Variants in CATSPERB observed in about 807,000 individuals in gnomAD.
CATSPERB encodes cation channel sperm-associated auxiliary subunit beta.
In CATSPERB, 93 loss-of-function variants were observed where a neutral mutation model predicts 128.3. The ratio of observed to expected loss-of-function variants is 0.72; its 90% CI spans 0.61 to 0.86. CATSPERB has a LOEUF of 0.86. CATSPERB is among the 40% of genes least tolerant of loss of function. CATSPERB has a pLI of 0.00. For missense variants in CATSPERB, 1,153 were observed against 1,329.5 expected (o/e 0.87, Z 2.06); for synonymous variants, 381 against 448.8 (o/e 0.85, Z 1.91).
chr14:91,694,659 A>T (rs1566733575), intron 7 of CATSPERB, among the ~76,000 whole-genome samples: 1 of 152,164 alleles, frequency 6.6e-6, no homozygotes, highest in Non-Finnish European at 1.5e-5. Flanking sequence ...AGACAGGAGA[A>T]ACTATGATTT....
intron 2 of CATSPERB, among the ~76,000 whole-genome samples, chr14:91,726,269 C>T (rs1296324319): frequency 6.6e-6 from 1 of 152,230 alleles, no homozygotes; most frequent in Non-Finnish European, 1.5e-5. Flanking sequence ...CACACACCCA[C>T]TTGGGTTTCA....
At chr14:91,691,020 G>T (rs1048680867) in intron 10 of CATSPERB, among the ~76,000 whole-genome samples, 5 of 152,190 alleles carry the variant, frequency 3.3e-5, no homozygotes, top group Non-Finnish European at 5.9e-5. Context: ...GGAGATAACT[G>T]ATGGAACAAA....
intron 1 of CATSPERB, among the ~76,000 whole-genome samples, chr14:91,730,827 C>T (rs12894077): frequency 0.63 from 96,247 of 152,016 alleles, 30,854 homozygotes; most frequent in Non-Finnish European, 0.67. Context: ...CAATAGAAAG[C>T]TCAAACAGTT....
intron 17 of CATSPERB, among the ~76,000 whole-genome samples, chr14:91,634,653 T>C (rs1894337062): frequency 7.6e-5 from 2 of 26,364 alleles, no homozygotes; most frequent in Middle Eastern, 0.017. Context: ...AAAAATGTGA[T>C]ATATATATAT....
intron 15 of CATSPERB, among the ~76,000 whole-genome samples, chr14:91,640,901 C>T (rs1178945502): frequency 6.6e-6 from 1 of 151,908 alleles, no homozygotes; most frequent in Non-Finnish European, 1.5e-5. Context: ...TCCTCTCCAG[C>T]ACCTGTTGTT....
intron 19 of CATSPERB, among the ~76,000 whole-genome samples, chr14:91,619,555 A>ATTTTTT (rs1566706232): frequency 3.0e-4 from 43 of 144,014 alleles, no homozygotes; most frequent in Middle Eastern, 3.5e-3. Flanking sequence ...CTTTTTTTTA[A>ATTTTTT]AAAAAAAATA....
chr14:91,677,273 A>G (rs888855915), intron 11 of CATSPERB, among the ~76,000 whole-genome samples: 24 of 141,016 alleles, frequency 1.7e-4, no homozygotes, highest in African/African-American at 5.2e-4. Context: ...AACTATCATT[A>G]GAGGGAACAG....
chr14:91,637,299 A>G lies in CATSPERB; in HGVS notation c.1588-720T>C, dbSNP rs549088305. Among the ~76,000 whole-genome samples, 6 of 152,278 alleles carry G rather than the reference A, an allele frequency of 3.9e-5. No homozygotes were observed. The South Asian group carries it at 8.3e-4, about 21-fold the overall frequency. ...ACACATCTGTCCCATAGTGCCTCCA[A>G]GACTCATCTTCTGTCATGCTTTTTT... On this transcript the variant is annotated intron_variant, in intron 16 of 26. Transcript: ENST00000256343.
chr14:91,673,639 C>T (rs1014694833), intron 12 of CATSPERB, among the ~76,000 whole-genome samples: 1 of 152,072 alleles, frequency 6.6e-6, no homozygotes, highest in East Asian at 1.9e-4. Context: ...AACCCCAGCA[C>T]TTTGGGAGGC....
At chr14:91,588,351 G>A (rs148762927) in intron 24 of CATSPERB, among the ~76,000 whole-genome samples, 329 of 152,054 alleles carry the variant, frequency 2.2e-3, no homozygotes, top group African/African-American at 7.0e-3. Flanking sequence ...TGCCTTCAAG[G>A]GCATCCTCAA....
chr14:91,708,497 T>C (rs903754200), intron 5 of CATSPERB, among the ~76,000 whole-genome samples: 1 of 152,224 alleles, frequency 6.6e-6, no homozygotes, highest in Admixed American at 6.5e-5. Context: ...CTCCTAGAGC[T>C]GTAGGGGCTT....
rs148003023 is a variant in CATSPERB, at chr14:91,717,652, A to G, written c.370+1766T>C. ...GCTGCCTGCTATTTCTACTGCCACT[A>G]CAATGACTATTTTACTACCTTTGTT... On this transcript the variant is annotated intron_variant, in intron 5 of 26. Transcript: ENST00000256343. Among the ~76,000 whole-genome samples, 683 of 152,364 alleles carry G rather than the reference A, an allele frequency of 4.5e-3. 9 individuals carry two copies. Among genetic ancestry groups the G allele is most frequent in the African/African-American group, 0.015 (640 of 41,586 alleles).
rs567878294 is a variant in CATSPERB, at chr14:91,705,557, C to T, written c.467-856G>A. ...GCAAACCAGGCCTTCCAGAATCTGACGTCCTCTTGGTTCCTCAGCTTTACT... is the reference window on the plus strand; with the variant it reads ...GCAAACCAGGCCTTCCAGAATCTGATGTCCTCTTGGTTCCTCAGCTTTACT... On this transcript the variant is annotated intron_variant, in intron 6 of 26. Coordinates refer to ENST00000256343, the MANE Select transcript of CATSPERB (RefSeq NM_024764.4). Among the ~76,000 whole-genome samples, 5 of 152,360 alleles carry T rather than the reference C, an allele frequency of 3.3e-5. No individual in the cohort carries two copies. The East Asian group carries it at 7.7e-4, about 23-fold the overall frequency.
At chr14:91,703,776 C>T (rs992982073) in intron 7 of CATSPERB, among the ~76,000 whole-genome samples, 1 of 152,154 alleles carries the variant, frequency 6.6e-6, no homozygotes. Flanking sequence ...TTTGTTTTGA[C>T]CTTTATAATA....
chr14:91,716,740 C>G (rs978769242), intron 5 of CATSPERB, among the ~76,000 whole-genome samples: 5 of 151,748 alleles, frequency 3.3e-5, no homozygotes, highest in Admixed American at 6.6e-5. Flanking sequence ...CACACACACA[C>G]ACACACACAG....
chr14:91,627,706 T>C (rs981595817), intron 17 of CATSPERB, among the ~76,000 whole-genome samples: 1 of 152,214 alleles, frequency 6.6e-6, no homozygotes, highest in South Asian at 2.1e-4. Context: ...CTTGTGCCTG[T>C]AATCCCAGCT....
At chr14:91,587,477 C>CT (rs3029803) in intron 25 of CATSPERB, among the ~76,000 whole-genome samples, 1,442 of 101,456 alleles carry the variant, frequency 0.014, 60 homozygotes, top group African/African-American at 0.027. Context: ...ATAGCTGATA[C>CT]TTTTTTTTTT....
chr14:91,667,962 G>T (rs962077896), intron 14 of CATSPERB, among the ~76,000 whole-genome samples: 3 of 152,134 alleles, frequency 2.0e-5, no homozygotes, highest in African/African-American at 4.8e-5. Flanking sequence ...ACTATAGATG[G>T]TCTTACAAAT....
At position 91,637,886 on chromosome 14, in the gene CATSPERB, C is replaced by CT. The variant is rs976596319; in HGVS notation, c.1587+1209dup. On this transcript the variant is annotated intron_variant, in intron 16 of 26. Coordinates refer to ENST00000256343, the MANE Select transcript of CATSPERB (RefSeq NM_024764.4). Reference sequence around the variant, plus strand: ...AAGTTGGTGAAAAATGAGGTAAATGCTTTTTTTTAGTTAGTTCTACCCTCC... The same window carrying CT: ...AAGTTGGTGAAAAATGAGGTAAATGCTTTTTTTTTAGTTAGTTCTACCCTCC... Among the ~76,000 whole-genome samples the CT allele has an allele frequency of 6.6e-5, 10 of 151,888 alleles. No individual in the cohort carries two copies. In the South Asian group the frequency reaches 8.3e-4, roughly 13 times the overall value.
Sources: gnomAD v4.1 joint callset for allele counts (sites outside exome capture counted in the v4.1 genomes callset) on GRCh38, gnomAD v4.1.1 for gene constraint, MANE v1.5 for transcripts, NCBI Gene and HGNC (gene_info 2026-07-23, HGNC 2026-07-21) for gene names.